Variants in HEATR4 observed in about 807,000 individuals in gnomAD.
The protein encoded by HEATR4 is HEAT repeat containing 4.
In HEATR4, 95 loss-of-function variants were observed where a neutral mutation model predicts 108.8. The ratio of observed to expected loss-of-function variants is 0.87; its 90% CI spans 0.74 to 1.04. The LOEUF (loss-of-function observed/expected upper bound fraction) is 1.04, where lower values mean the gene tolerates loss of function less well. Ranked by LOEUF, HEATR4 falls within the 50% of genes least tolerant of loss-of-function variation. The pLI, the probability that HEATR4 is intolerant of heterozygous loss-of-function variation, is 0.00. For synonymous variants in HEATR4, 443 were observed against 459.4 expected, an observed-to-expected ratio of 0.96 and a Z score of 0.46; for missense variants, 1,152 against 1,253.8, an observed-to-expected ratio of 0.92 and a Z score of 1.23.
upstream of HEATR4, among the ~76,000 whole-genome samples, chr14:73,561,221 C>T (rs1889526699): frequency 6.6e-6 from 1 of 151,812 alleles, no homozygotes; most frequent in Admixed American, 6.6e-5. Context: ...CAAAAATTAG[C>T]CAGGCGTAGT....
the HEATR4 span, among the ~76,000 whole-genome samples, chr14:73,615,210 A>C: frequency 6.7e-6 from 1 of 149,264 alleles, no homozygotes; most frequent in African/African-American, 2.5e-5. Context: ...AGATGGTGAA[A>C]CCCTGTCTCT....
chr14:73,479,711 T>C (rs1885172950), intron 17 of HEATR4, among the ~76,000 whole-genome samples: 1 of 152,020 alleles, frequency 6.6e-6, no homozygotes, highest in Admixed American at 6.6e-5. Flanking sequence ...ATTACAGGCA[T>C]GAGCCTCCGC....
chr14:73,534,551 T>C (rs1888801157), intron 1 of HEATR4, among the ~76,000 whole-genome samples: 4 of 110,656 alleles, frequency 3.6e-5, no homozygotes, highest in African/African-American at 1.2e-4. Context: ...TAGCCAGGTG[T>C]GGTGGTGCAT....
chr14:73,493,236 T>C, intron 16 of HEATR4, 112 bp from the exon 17 acceptor site: 2 of 830,212 alleles, frequency 2.4e-6, no homozygotes, highest in South Asian at 3.2e-5. Flanking sequence ...TGGGTAACAC[T>C]GACCATGTCG....
chr14:73,495,390 A>C lies in HEATR4; in HGVS notation c.2626-3T>G. The C allele has an allele frequency of 1.2e-6, 2 of 1,609,652 alleles. No homozygotes were observed. Among genetic ancestry groups the C allele is most frequent in the East Asian group, 2.2e-5 (1 of 44,830 alleles). On this transcript the variant is annotated splice_region_variant and splice_polypyrimidine_tract_variant and intron_variant, in intron 15 of 17. Coordinates refer to ENST00000553558, the MANE Select transcript of HEATR4 (RefSeq NM_001220484.1). Reference sequence around the variant, plus strand: ...TCCTTTTGGCTTAGTGTTTTAATCTAAATTAGAACAAATAATGTTTGAAAA... The same window carrying C: ...TCCTTTTGGCTTAGTGTTTTAATCTCAATTAGAACAAATAATGTTTGAAAA...
At chr14:73,633,675 A>C in the HEATR4 span, 5 of 152,214 alleles carry the variant, frequency 3.3e-5, no homozygotes, top group African/African-American at 1.2e-4. Context: ...AAAAATGCTT[A>C]ACTTTATTCG....
At chr14:73,526,511 G>A (rs1331745864) in intron 2 of HEATR4, among the ~76,000 whole-genome samples, 2 of 152,172 alleles carry the variant, frequency 1.3e-5, no homozygotes, top group South Asian at 4.1e-4. Context: ...AGACAGGGCA[G>A]CTCAGGGAGA....
chr14:73,581,340 A>C, the HEATR4 span: 14 of 152,074 alleles, frequency 9.2e-5, no homozygotes, highest in Admixed American at 5.2e-4. Context: ...TGTCCTACCT[A>C]GTGGAAAGAG....
chr14:73,487,744 T>G (rs1328990828), intron 17 of HEATR4, among the ~76,000 whole-genome samples: 1 of 152,172 alleles, frequency 6.6e-6, no homozygotes, highest in Non-Finnish European at 1.5e-5. Flanking sequence ...ATGTGTTAAA[T>G]TCATGTGAAA....
At chr14:73,608,008 T>A in the HEATR4 span, among the ~76,000 whole-genome samples, 1 of 151,828 alleles carries the variant, frequency 6.6e-6, no homozygotes, top group East Asian at 1.9e-4. Context: ...CACTGCAAGC[T>A]CCGCCTCCTG....
intron 10 of HEATR4, among the ~76,000 whole-genome samples, chr14:73,503,315 A>G (rs959709550): frequency 6.6e-6 from 1 of 152,222 alleles, no homozygotes; most frequent in African/African-American, 2.4e-5. Flanking sequence ...CAGTGCCAAC[A>G]TAACTTGTAC....
At chr14:73,590,768 C>G in the HEATR4 span, among the ~76,000 whole-genome samples, 1 of 151,758 alleles carries the variant, frequency 6.6e-6, no homozygotes, top group South Asian at 2.1e-4. Context: ...GGGACTCGCG[C>G]TGGCCCGCAA....
chr14:73,610,466 T>C, the HEATR4 span, among the ~76,000 whole-genome samples: 1 of 151,960 alleles, frequency 6.6e-6, no homozygotes, highest in African/African-American at 2.4e-5. Flanking sequence ...AATTTTTGTA[T>C]TTTTAGTAGA....
chr14:73,573,309 G>GT, the HEATR4 span: 2 of 1,595,400 alleles, frequency 1.3e-6, no homozygotes, highest in Admixed American at 1.7e-5. Context: ...CACATGTGTG[G>GT]TAAGTATATG....
intron 11 of HEATR4, among the ~76,000 whole-genome samples, chr14:73,502,066 T>A (rs1332790347): frequency 2.6e-4 from 38 of 148,924 alleles, no homozygotes; most frequent in South Asian, 1.5e-3. Flanking sequence ...TTTTTTTTTT[T>A]AATTTTTAGT....
chr14:73,537,736 G>A lies in HEATR4; in HGVS notation c.-151-7492C>T, dbSNP rs577303851. 279 of 1,244,618 alleles carry A rather than the reference G, an allele frequency of 2.2e-4. 79 individuals carry two copies. In the African/African-American group the frequency reaches 3.1e-3, roughly 14 times the overall value. The allele number at this position is 1,244,618 out of a possible 1,614,324, so 77.1% of individuals were successfully genotyped here. On this transcript the variant is annotated intron_variant, in intron 1 of 17. Coordinates refer to ENST00000553558, the MANE Select transcript of HEATR4 (RefSeq NM_001220484.1). ...ACGTGCGAACGCCCTTGGCCGTGGA[G>A]CTGGAGGTGCTGGATGGCCACGACC...
At position 73,478,770 on chromosome 14, in the gene HEATR4, G is replaced by A; in HGVS notation, c.2917C>T (p.Arg973Cys). 2 of 1,613,932 alleles carry A rather than the reference G, an allele frequency of 1.2e-6. No homozygotes were observed. The highest frequency in any genetic ancestry group is 1.7e-6 in the Non-Finnish European group (2 of 1,179,972). The change falls in exon 18 of 18, where the codon CGT becomes TGT. Residue 973 changes from arginine (R) to cysteine (C), a missense_variant. By Grantham distance (180) the Arg-to-Cys change is radical (BLOSUM62 -3). Transcript: ENST00000553558. The stretch of plus-strand genomic sequence containing the variant: ...CGTAGATCTTTGACAAGTGATGAAC[G>A]AACTTTGCTTCGTGTGGTTAGGCCT... Reference protein sequence around the residue: ...VPGLTTRSKVRSSLVKDLRTS... With the variant: ...VPGLTTRSKVCSSLVKDLRTS...
the HEATR4 span, among the ~76,000 whole-genome samples, chr14:73,632,902 A>C: frequency 3.3e-5 from 5 of 151,674 alleles, no homozygotes; most frequent in African/African-American, 1.2e-4. Context: ...TTTCTTCTGC[A>C]TACAAAAAAT....
chr14:73,544,560 A>G (rs1450699014), intron 1 of HEATR4, among the ~76,000 whole-genome samples: 2 of 116,054 alleles, frequency 1.7e-5, no homozygotes, highest in Non-Finnish European at 3.8e-5. Context: ...ATGGACCTTT[A>G]GGATTTAATT....
Sources: allele counts gnomAD v4.1 joint callset (sites outside exome capture counted in the v4.1 genomes callset), GRCh38; gene constraint gnomAD v4.1.1; transcripts MANE v1.5; gene names NCBI Gene and HGNC (gene_info 2026-07-23, HGNC 2026-07-21).